The following LYPLAL1 variants were observed in gnomAD, a reference collection of about 807,000 sequenced individuals.
LYPLAL1 encodes the protein lysophospholipase-like protein 1.
Under a neutral mutation model 19.7 loss-of-function variants are expected in LYPLAL1, and 23 were observed. The ratio of observed to expected loss-of-function variants is 1.17; its 90% confidence interval spans 0.84 to 1.65. The LOEUF (loss-of-function observed/expected upper bound fraction) is 1.65. Among genes scored for constraint, LYPLAL1 ranks in the 40% most tolerant of loss-of-function variants. The pLI, the probability that LYPLAL1 is intolerant of heterozygous loss-of-function variation, is 0.00. For synonymous variants in LYPLAL1, 119 were observed against 96.3 expected (o/e 1.24, Z -1.38); for missense variants, 355 against 279.4 (o/e 1.27, Z -1.93).
chr1:219,429,470 C>A, the LYPLAL1 span, among the ~76,000 whole-genome samples: 2 of 152,028 alleles, frequency 1.3e-5, no homozygotes, highest in Admixed American at 1.3e-4. Context: ...CCAGCTTGGG[C>A]AACTAAGTAA....
chr1:219,426,580 C>G, the LYPLAL1 span, among the ~76,000 whole-genome samples: 1 of 151,904 alleles, frequency 6.6e-6, no homozygotes, highest in East Asian at 1.9e-4. Context: ...ATAATTACCA[C>G]AGCAACCCAT....
chr1:219,429,726 A>G, the LYPLAL1 span, among the ~76,000 whole-genome samples: 11 of 152,212 alleles, frequency 7.2e-5, no homozygotes, highest in African/African-American at 2.7e-4. Flanking sequence ...CTGGGGAGCC[A>G]TTTTGTATCC....
At chr1:219,221,023 T>C in the LYPLAL1 span, among the ~76,000 whole-genome samples, 2 of 152,314 alleles carry the variant, frequency 1.3e-5, no homozygotes, top group East Asian at 1.9e-4. Context: ...TGACCCATGC[T>C]GTGTGGCTGC....
chr1:219,221,806 C>A, the LYPLAL1 span, among the ~76,000 whole-genome samples: 1 of 152,152 alleles, frequency 6.6e-6, no homozygotes, highest in East Asian at 1.9e-4. Context: ...TCAGTAAAAT[C>A]CCTTTTGGTA....
the LYPLAL1 span, among the ~76,000 whole-genome samples, chr1:219,388,663 T>G: frequency 3.3e-5 from 5 of 152,082 alleles, no homozygotes; most frequent in Non-Finnish European, 7.4e-5. Context: ...ACTACACCGT[T>G]TGTCTCCTTG....
chr1:219,265,079 T>G, the LYPLAL1 span, among the ~76,000 whole-genome samples: 1 of 152,210 alleles, frequency 6.6e-6, no homozygotes, highest in Non-Finnish European at 1.5e-5. Flanking sequence ...TTTCACTTTT[T>G]TTGTTTTTAA....
chr1:219,318,382 C>A, the LYPLAL1 span, among the ~76,000 whole-genome samples: 5 of 151,622 alleles, frequency 3.3e-5, no homozygotes, highest in Non-Finnish European at 7.4e-5. Context: ...CCCCACCCCT[C>A]CCCACAGTCC....
At chr1:219,214,911 A>G (rs1659232977), downstream of LYPLAL1, among the ~76,000 whole-genome samples, 2 of 151,856 alleles carry the variant, frequency 1.3e-5, no homozygotes, top group African/African-American at 4.8e-5. Context: ...GCTGGTCTCA[A>G]ACTCCTGACC....
the LYPLAL1 span, among the ~76,000 whole-genome samples, chr1:219,443,906 A>C: frequency 1.3e-5 from 2 of 152,172 alleles, no homozygotes; most frequent in African/African-American, 4.8e-5. Context: ...ACAGGTCACC[A>C]TTCCCATTGC....
At chr1:219,377,308 G>C in the LYPLAL1 span, among the ~76,000 whole-genome samples, 8 of 152,288 alleles carry the variant, frequency 5.3e-5, no homozygotes, top group East Asian at 1.2e-3. Context: ...CCAGAGACAA[G>C]AATGGCTGTT....
chr1:219,259,330 A>G, the LYPLAL1 span, among the ~76,000 whole-genome samples: 14 of 151,506 alleles, frequency 9.2e-5, no homozygotes, highest in Admixed American at 8.6e-4. Flanking sequence ...TTGTAGCACA[A>G]TTCACAATTG....
chr1:219,218,195 T>C, the LYPLAL1 span, among the ~76,000 whole-genome samples: 2 of 151,994 alleles, frequency 1.3e-5, no homozygotes, highest in African/African-American at 4.8e-5. Context: ...GAGAACAAAA[T>C]AGGAGGCAGA....
the LYPLAL1 span, among the ~76,000 whole-genome samples, chr1:219,256,045 T>C: frequency 4.0e-5 from 6 of 151,852 alleles, no homozygotes; most frequent in Admixed American, 2.6e-4. Context: ...TTTTGTAATA[T>C]TCTCATCAGA....
At chr1:219,305,334 T>C in the LYPLAL1 span, among the ~76,000 whole-genome samples, 12 of 152,194 alleles carry the variant, frequency 7.9e-5, no homozygotes, top group East Asian at 2.1e-3. Flanking sequence ...GAGTACTCTG[T>C]AATTGGTGTA....
the LYPLAL1 span, among the ~76,000 whole-genome samples, chr1:219,288,850 A>G: frequency 6.6e-6 from 1 of 151,940 alleles, no homozygotes; most frequent in African/African-American, 2.4e-5. Flanking sequence ...TTAAAATTGT[A>G]CTTTAACTTG....
the LYPLAL1 span, among the ~76,000 whole-genome samples, chr1:219,380,708 G>A: frequency 2.1e-4 from 32 of 152,276 alleles, no homozygotes; most frequent in African/African-American, 6.0e-4. Flanking sequence ...GAAGTCAAAA[G>A]GCAATATAAA....
the LYPLAL1 span, among the ~76,000 whole-genome samples, chr1:219,247,868 A>G: frequency 6.6e-6 from 1 of 152,160 alleles, no homozygotes; most frequent in Admixed American, 6.6e-5. Context: ...GAAGAAATCA[A>G]TGAGAAATGT....
the LYPLAL1 span, among the ~76,000 whole-genome samples, chr1:219,364,634 A>C: frequency 6.6e-6 from 1 of 152,172 alleles, no homozygotes; most frequent in Non-Finnish European, 1.5e-5. Flanking sequence ...GGCACAGAGG[A>C]GAGATTCAAT....
chr1:219,198,965 A>G (rs1179389024), intron 3 of LYPLAL1, among the ~76,000 whole-genome samples: 3 of 152,180 alleles, frequency 2.0e-5, no homozygotes, highest in African/African-American at 7.2e-5. Flanking sequence ...AACTATTCAA[A>G]GTATATATAT....
Sources: gnomAD v4.1 joint callset for allele counts (sites outside exome capture counted in the v4.1 genomes callset) on GRCh38, gnomAD v4.1.1 for gene constraint, MANE v1.5 for transcripts, NCBI Gene and HGNC (gene_info 2026-07-23, HGNC 2026-07-21) for gene names.